ST8SIA2: variants seen among roughly 807,000 people sequenced by gnomAD.
ST8SIA2 encodes the protein alpha-2,8-sialyltransferase 8B.
Under a neutral mutation model 37.6 loss-of-function variants are expected in ST8SIA2, and 22 were observed. The observed-to-expected ratio is 0.58, with a 90% CI of 0.42 to 0.83. The LOEUF (loss-of-function observed/expected upper bound fraction) is 0.83, where lower values mean the gene tolerates loss of function less well. Among genes scored for constraint, ST8SIA2 ranks in the 40% least tolerant of loss-of-function variants. The pLI, the probability that ST8SIA2 is intolerant of heterozygous loss-of-function variation, is 0.00. For missense variants in ST8SIA2, 382 were observed against 484.7 expected (o/e 0.79, Z 1.99); for synonymous variants, 205 against 201.2 (o/e 1.02, Z -0.16).
intron 1 of ST8SIA2, among the ~76,000 whole-genome samples, chr15:92,407,264 AG>A (rs2049515374): frequency 6.6e-6 from 1 of 152,192 alleles, no homozygotes; most frequent in Non-Finnish European, 1.5e-5. Context: ...TTTAGCCTTT[AG>A]CCATTAGCAT....
chr15:92,396,469 T>C (rs551343894), intron 1 of ST8SIA2, among the ~76,000 whole-genome samples: 1 of 146,666 alleles, frequency 6.8e-6, no homozygotes, highest in African/African-American at 2.6e-5. Flanking sequence ...TGTTTGTTTT[T>C]GTTTTTTTTT....
At chr15:92,404,027 T>G (rs1471089871) in intron 1 of ST8SIA2, among the ~76,000 whole-genome samples, 1 of 152,134 alleles carries the variant, frequency 6.6e-6, no homozygotes, top group African/African-American at 2.4e-5. Flanking sequence ...CAGTTAAGGC[T>G]CCACAGGCCC....
intron 5 of ST8SIA2, among the ~76,000 whole-genome samples, chr15:92,456,161 T>G (rs917479836): frequency 6.6e-6 from 1 of 152,242 alleles, no homozygotes; most frequent in African/African-American, 2.4e-5. Flanking sequence ...GTCTCACCAC[T>G]CCTGGCGGGG....
In ST8SIA2 at chr15:92,416,078, G is replaced by A. The variant is rs143281916; in HGVS notation, c.99-13971G>A. 5.4e-3 allele frequency among the ~76,000 whole-genome samples: 818 copies of A among 152,342 alleles called. 1 individual carries two copies. The highest frequency in any genetic ancestry group is 8.0e-3 in the Non-Finnish European group (544 of 68,040). On this transcript the variant is annotated intron_variant, in intron 1 of 5. Transcript: ENST00000268164. The stretch of plus-strand genomic sequence containing the variant: ...GTGGCACACTGCATTTCGGAAAGCT[G>A]TGTCTGTGTAGGGAGGGCTGGCAGA...
chr15:92,401,912 A>G (rs1596228057), intron 1 of ST8SIA2, among the ~76,000 whole-genome samples: 1 of 64,350 alleles, frequency 1.6e-5, no homozygotes, highest in Non-Finnish European at 4.3e-5. Flanking sequence ...AAGGAGCCAG[A>G]AAAAAAAAAA....
intron 5 of ST8SIA2, among the ~76,000 whole-genome samples, chr15:92,446,252 C>T (rs1477510054): frequency 2.0e-5 from 3 of 152,182 alleles, no homozygotes; most frequent in Admixed American, 6.5e-5. Flanking sequence ...CAAATGATCT[C>T]TCCGCATGGG....
chr15:92,428,600 A>G (rs1416343554), intron 1 of ST8SIA2, among the ~76,000 whole-genome samples: 1 of 152,218 alleles, frequency 6.6e-6, no homozygotes. Context: ...GTTACAGGAC[A>G]GGAGCTGACC....
chr15:92,395,997 C>A (rs1424648763), intron 1 of ST8SIA2, among the ~76,000 whole-genome samples: 1 of 152,234 alleles, frequency 6.6e-6, no homozygotes, highest in Non-Finnish European at 1.5e-5. Flanking sequence ...TTGCCAAATG[C>A]ACGGTGAAGC....
intron 3 of ST8SIA2, among the ~76,000 whole-genome samples, chr15:92,437,581 G>C (rs1361939008): frequency 1.3e-5 from 2 of 151,990 alleles, no homozygotes; most frequent in East Asian, 1.9e-4. Context: ...ATAAACACTA[G>C]AGAGCAACTA....
chr15:92,457,001 G>T (rs960126181), intron 5 of ST8SIA2, among the ~76,000 whole-genome samples: 12 of 152,244 alleles, frequency 7.9e-5, no homozygotes, highest in African/African-American at 2.9e-4. Context: ...CAGAGATGGT[G>T]TCTCATTCTG....
At chr15:92,407,008 A>C (rs1372809534) in intron 1 of ST8SIA2, among the ~76,000 whole-genome samples, 3 of 149,128 alleles carry the variant, frequency 2.0e-5, no homozygotes, top group Non-Finnish European at 3.0e-5. Context: ...AAAAAAAAAA[A>C]GAAAAGAAAA....
chr15:92,401,499 G>T (rs896713337), intron 1 of ST8SIA2, among the ~76,000 whole-genome samples: 1 of 152,228 alleles, frequency 6.6e-6, no homozygotes, highest in Non-Finnish European at 1.5e-5. Flanking sequence ...ATGGCAAGGA[G>T]GAAACGGCTC....
rs2141839460 is a variant in ST8SIA2, at chr15:92,444,899, C to A, written c.812C>A (p.Pro271His). Residue 271 changes from proline to histidine, a missense_variant, in exon 5 of 6, where the codon CCC becomes CAC. Physicochemically the swap from Pro to His is moderately conservative, Grantham distance 77. Transcript: ENST00000268164. ...KHHVNVRTAY[P>H]SLRLLHAVRG... Reference sequence around the variant, plus strand: ...CACGTCAACGTGCGCACTGCATACCCCTCGCTGCGCCTGCTGCACGCCGTT... The same window carrying A: ...CACGTCAACGTGCGCACTGCATACCACTCGCTGCGCCTGCTGCACGCCGTT... 6.2e-7 allele frequency: 1 copy of A among 1,612,858 alleles called. No individual in the cohort carries two copies. Among genetic ancestry groups the A allele is most frequent in the Non-Finnish European group, 8.5e-7 (1 of 1,180,034 alleles).
chr15:92,425,516 G>A (rs1407573508), intron 1 of ST8SIA2, among the ~76,000 whole-genome samples: 1 of 152,204 alleles, frequency 6.6e-6, no homozygotes, highest in African/African-American at 2.4e-5. Context: ...TGTAGGTTCT[G>A]TTATTATTTA....
chr15:92,394,641 AG>A (rs1412748288), intron 1 of ST8SIA2, among the ~76,000 whole-genome samples: 4 of 151,796 alleles, frequency 2.6e-5, no homozygotes, highest in Non-Finnish European at 5.9e-5. Flanking sequence ...GCCGGAGCGG[AG>A]GGCGGGGTTC....
intron 1 of ST8SIA2, among the ~76,000 whole-genome samples, chr15:92,426,355 C>A (rs928506539): frequency 2.0e-5 from 3 of 151,946 alleles, no homozygotes; most frequent in Admixed American, 1.3e-4. Context: ...GCTGGTGGAA[C>A]CGGGGGTGAG....
chr15:92,414,660 A>G (rs1473684959), intron 1 of ST8SIA2, among the ~76,000 whole-genome samples: 2 of 152,244 alleles, frequency 1.3e-5, no homozygotes, highest in African/African-American at 4.8e-5. Context: ...CCCAGGCAGC[A>G]TTAACTCTGG....
At chr15:92,451,939 A>G (rs2141844976) in intron 5 of ST8SIA2, among the ~76,000 whole-genome samples, 1 of 152,334 alleles carries the variant, frequency 6.6e-6, no homozygotes, top group Admixed American at 6.5e-5. Context: ...CAGGAAGGCC[A>G]AGGCCAGGAT....
At chr15:92,426,966 C>T (rs959756745) in intron 1 of ST8SIA2, among the ~76,000 whole-genome samples, 8 of 152,010 alleles carry the variant, frequency 5.3e-5, no homozygotes, top group Admixed American at 1.3e-4. Context: ...TGATGGCAGG[C>T]GCCTGTAACT....
Sources: gnomAD v4.1 joint callset for allele counts (sites outside exome capture counted in the v4.1 genomes callset) on GRCh38, gnomAD v4.1.1 for gene constraint, MANE v1.5 for transcripts, NCBI Gene and HGNC (gene_info 2026-07-23, HGNC 2026-07-21) for gene names.